Variants in MTUS2 observed in about 807,000 individuals in gnomAD.
MTUS2 encodes the protein microtubule-associated tumor suppressor candidate 2.
Under a neutral mutation model 114.1 loss-of-function variants are expected in MTUS2, and 40 were observed. That is an observed-to-expected ratio of 0.35 (90% CI 0.27 to 0.46). The LOEUF is 0.46. Among genes scored for constraint, MTUS2 ranks in the 20% least tolerant of loss-of-function variants. The pLI is 1.00. For synonymous variants in MTUS2, 688 were observed against 672.0 expected (o/e 1.02, Z -0.37); for missense variants, 1,679 against 1,705.4 (o/e 0.98, Z 0.27).
chr13:29,241,577 C>T (rs566931415), intron 5 of MTUS2, among the ~76,000 whole-genome samples: 1 of 152,236 alleles, frequency 6.6e-6, no homozygotes, highest in Non-Finnish European at 1.5e-5. Flanking sequence ...CTCTTCAAAC[C>T]CCTGCCTACC....
intron 2 of MTUS2, among the ~76,000 whole-genome samples, chr13:28,912,668 T>G (rs1880510177): frequency 6.6e-6 from 1 of 152,174 alleles, no homozygotes; most frequent in Non-Finnish European, 1.5e-5. Flanking sequence ...TTCCATTTGT[T>G]TGTGTCCTCT....
chr13:28,926,932 G>A (rs1460263310), intron 2 of MTUS2, among the ~76,000 whole-genome samples: 1 of 152,142 alleles, frequency 6.6e-6, no homozygotes, highest in African/African-American at 2.4e-5. Context: ...ATTTTGATGT[G>A]TGTTTGTTCT....
chr13:29,087,241 T>C (rs1208775748), intron 4 of MTUS2, among the ~76,000 whole-genome samples: 1 of 152,218 alleles, frequency 6.6e-6, no homozygotes, highest in Non-Finnish European at 1.5e-5. Context: ...TGTGGGTTTG[T>C]CATAGATGGT....
intron 2 of MTUS2, among the ~76,000 whole-genome samples, chr13:29,019,136 A>T (rs1289899763): frequency 6.6e-6 from 1 of 152,112 alleles, no homozygotes; most frequent in Non-Finnish European, 1.5e-5. Flanking sequence ...GCAACGTTAC[A>T]ATTACTAACA....
At chr13:28,928,323 C>T (rs1333000717) in intron 2 of MTUS2, among the ~76,000 whole-genome samples, 3 of 152,156 alleles carry the variant, frequency 2.0e-5, no homozygotes, top group Admixed American at 6.6e-5. Flanking sequence ...ACATAACCCC[C>T]AGAATGGGAG....
Position 29,025,057 on chromosome 13 carries a change from G to T in MTUS2, c.359G>T (p.Ser120Ile). Residue 120 changes from serine (S) to isoleucine (I), a missense_variant, in exon 3 of 16, where the codon AGC becomes ATC. Coordinates refer to ENST00000612955, the MANE Select transcript of MTUS2 (RefSeq NM_001033602.4). Reference protein sequence around the residue: ...EEHTVERGTDSLQTTRSIQGP... With the variant: ...EEHTVERGTDILQTTRSIQGP... ...CACACAGTGGAGAGAGGCACAGATA[G>T]CCTGCAGACCACGCGGAGTATTCAG... 1 of 1,613,974 alleles carries T rather than the reference G, an allele frequency of 6.2e-7. No homozygotes were observed. Among genetic ancestry groups the T allele is most frequent in the African/African-American group, 1.3e-5 (1 of 75,042 alleles).
At chr13:29,328,511 C>T (rs1050040203) in intron 7 of MTUS2, among the ~76,000 whole-genome samples, 3 of 152,170 alleles carry the variant, frequency 2.0e-5, no homozygotes, top group African/African-American at 7.2e-5. Context: ...GATAGTTAAG[C>T]TAATGTCTAA....
intron 5 of MTUS2, among the ~76,000 whole-genome samples, chr13:29,267,144 A>G (rs966850970): frequency 2.6e-5 from 4 of 152,218 alleles, no homozygotes; most frequent in Admixed American, 2.6e-4. Flanking sequence ...TGTGAAGTCC[A>G]TGAGGGAAAC....
At chr13:29,438,240 T>TTAAC (rs1290916765) in intron 8 of MTUS2, among the ~76,000 whole-genome samples, 2 of 152,142 alleles carry the variant, frequency 1.3e-5, no homozygotes, top group African/African-American at 4.8e-5. Context: ...CTCTCAGATG[T>TTAAC]AGTTGTTAAC....
intron 4 of MTUS2, among the ~76,000 whole-genome samples, chr13:29,067,248 G>C (rs1376741519): frequency 6.6e-6 from 1 of 152,236 alleles, no homozygotes; most frequent in East Asian, 1.9e-4. Flanking sequence ...CAGAGAGAGG[G>C]GGGAGGATAG....
At chr13:29,450,409 C>A (rs181886238) in intron 9 of MTUS2, among the ~76,000 whole-genome samples, 67 of 152,236 alleles carry the variant, frequency 4.4e-4, no homozygotes, top group African/African-American at 1.5e-3. Context: ...GGCAAAGGAT[C>A]TAGCAGAATG....
intron 8 of MTUS2, among the ~76,000 whole-genome samples, chr13:29,398,695 C>T (rs778277104): frequency 1.3e-5 from 2 of 151,974 alleles, no homozygotes; most frequent in African/African-American, 2.4e-5. Flanking sequence ...CAAACCAGAC[C>T]TCAAAGGTTT....
intron 2 of MTUS2, among the ~76,000 whole-genome samples, chr13:28,998,319 TA>T (rs767773510): frequency 1.5e-4 from 23 of 152,238 alleles, no homozygotes; most frequent in Admixed American, 1.4e-3. Flanking sequence ...TGGCTGCCCT[TA>T]ACATTTGTTC....
Position 29,024,604 on chromosome 13 carries a change from C to T in MTUS2, c.-95C>T, listed in dbSNP as rs1236463102. 2.7e-6 allele frequency: 4 copies of T among 1,455,716 alleles called. No homozygotes were observed. In the East Asian group the frequency reaches 9.1e-5, roughly 33 times the overall value. 90.2% of individuals were successfully genotyped at this position (1,455,716 alleles called of 1,614,324 possible). On this transcript the variant is annotated 5_prime_UTR_variant, in exon 3 of 16. Coordinates refer to ENST00000612955, the MANE Select transcript of MTUS2 (RefSeq NM_001033602.4). ...GACATTGTCAGGGGAGAACAAGCAG[C>T]TTGAGAATTTCCTCTTAATCTGATT... is the stretch of plus-strand genomic sequence containing the variant.
chr13:29,096,473 C>T (rs1239312589), intron 4 of MTUS2, among the ~76,000 whole-genome samples: 1 of 152,170 alleles, frequency 6.6e-6, no homozygotes, highest in Non-Finnish European at 1.5e-5. Context: ...TAGTTCTGAC[C>T]CCTGGATAGC....
chr13:29,077,905 AAGG>A (rs1441224533), intron 4 of MTUS2, among the ~76,000 whole-genome samples: 1 of 152,218 alleles, frequency 6.6e-6, no homozygotes, highest in Non-Finnish European at 1.5e-5. Flanking sequence ...GAGTCATTAA[AAGG>A]AGAATCAATA....
intron 7 of MTUS2, among the ~76,000 whole-genome samples, chr13:29,356,577 G>T (rs1869760951): frequency 6.6e-6 from 1 of 152,124 alleles, no homozygotes. Context: ...CAGGAAAGGG[G>T]GTGACAGACA....
intron 5 of MTUS2, among the ~76,000 whole-genome samples, chr13:29,119,857 A>G (rs1228000495): frequency 7.2e-5 from 11 of 152,206 alleles, no homozygotes; most frequent in African/African-American, 2.2e-4. Flanking sequence ...AAGTTTAATC[A>G]GCTAGCTGGG....
chr13:29,139,370 T>A (rs1892119718), intron 5 of MTUS2, among the ~76,000 whole-genome samples: 3 of 152,346 alleles, frequency 2.0e-5, no homozygotes. Flanking sequence ...TATATTTAAA[T>A]CTTTAAGCTA....
Sources: gnomAD v4.1 joint callset for allele counts (sites outside exome capture counted in the v4.1 genomes callset) on GRCh38, gnomAD v4.1.1 for gene constraint, MANE v1.5 for transcripts, NCBI Gene and HGNC (gene_info 2026-07-23, HGNC 2026-07-21) for gene names.